The following BCAT1 variants were observed in gnomAD, a reference collection of about 807,000 sequenced individuals.
BCAT1 encodes the protein branched chain amino acid transaminase 1.
Under a neutral mutation model 52.4 loss-of-function variants are expected in BCAT1, and 48 were observed. That is an observed-to-expected ratio of 0.92 (90% CI 0.73 to 1.16). The LOEUF is 1.16. BCAT1 is among the 50% of genes most tolerant of loss of function. The probability of loss-of-function intolerance (pLI) is 0.00; values close to 1 mark genes in which losing one functional copy is unlikely to be tolerated. For missense variants in BCAT1, 451 were observed against 457.1 expected, an observed-to-expected ratio of 0.99 and a Z score of 0.12; for synonymous variants, 167 against 161.3, an observed-to-expected ratio of 1.04 and a Z score of -0.27.
intron 1 of BCAT1, among the ~76,000 whole-genome samples, chr12:24,947,501 A>G (rs765324813): frequency 6.6e-5 from 10 of 152,236 alleles, no homozygotes; most frequent in Non-Finnish European, 1.3e-4. Flanking sequence ...TTTAAGAGAT[A>G]AGTGGAAAGA....
intron 5 of BCAT1, 78 bp downstream of exon 5, chr12:24,878,452 A>T (rs955138864): frequency 1.5e-6 from 2 of 1,375,608 alleles, no homozygotes; most frequent in Admixed American, 5.1e-5. Flanking sequence ...TGCAAACTAT[A>T]TGCTAGAAGT....
chr12:24,827,556 C>T (rs967346663), intron 10 of BCAT1, among the ~76,000 whole-genome samples: 3 of 152,206 alleles, frequency 2.0e-5, no homozygotes, highest in Admixed American at 6.5e-5. Flanking sequence ...CTTTGGGAGG[C>T]TAAGGTGGGC....
intron 2 of BCAT1, among the ~76,000 whole-genome samples, chr12:24,899,510 T>C (rs960302508): frequency 4.0e-5 from 6 of 151,836 alleles, no homozygotes; most frequent in Non-Finnish European, 7.4e-5. Context: ...AATGACCATA[T>C]AAACCAACAA....
chr12:24,857,346 C>T (rs1437666664), intron 5 of BCAT1, among the ~76,000 whole-genome samples: 1 of 152,156 alleles, frequency 6.6e-6, no homozygotes, highest in Admixed American at 6.5e-5. Context: ...TTAGTTAAGG[C>T]TTATTGGTTT....
intron 1 of BCAT1, chr12:24,903,338 C>T: frequency 3.9e-6 from 1 of 256,780 alleles, no homozygotes; most frequent in Non-Finnish European, 7.3e-6. Context: ...TAAACAACCT[C>T]TAGGTGAATG....
chr12:24,927,317 A>G (rs979475851), intron 1 of BCAT1, among the ~76,000 whole-genome samples: 1 of 152,166 alleles, frequency 6.6e-6, no homozygotes, highest in Non-Finnish European at 1.5e-5. Flanking sequence ...CGAAAAAAAA[A>G]GAAAAGAAAA....
At chr12:24,888,245 A>G (rs1185229136) in intron 3 of BCAT1, among the ~76,000 whole-genome samples, 1 of 152,300 alleles carries the variant, frequency 6.6e-6, no homozygotes, top group African/African-American at 2.4e-5. Flanking sequence ...GCAGTGGCTC[A>G]TGCCTGTAAT....
At chr12:24,937,370 A>C (rs988858125) in intron 1 of BCAT1, among the ~76,000 whole-genome samples, 2 of 152,198 alleles carry the variant, frequency 1.3e-5, no homozygotes, top group African/African-American at 4.8e-5. Context: ...GCAAAACAAG[A>C]TGAGGCTGTA....
chr12:24,841,300 A>C (rs373059247), intron 7 of BCAT1, among the ~76,000 whole-genome samples: 30 of 152,356 alleles, frequency 2.0e-4, no homozygotes, highest in African/African-American at 7.0e-4. Flanking sequence ...AAAGGCAACA[A>C]TTGTTAAAAC....
At chr12:24,943,429 G>A (rs1472938497) in intron 1 of BCAT1, among the ~76,000 whole-genome samples, 2 of 136,154 alleles carry the variant, frequency 1.5e-5, no homozygotes, top group Non-Finnish European at 3.1e-5. Flanking sequence ...GGAGGTTGAA[G>A]CTGAAGTGAG....
intron 5 of BCAT1, among the ~76,000 whole-genome samples, chr12:24,857,381 A>C (rs952540236): frequency 1.3e-5 from 2 of 152,206 alleles, no homozygotes; most frequent in African/African-American, 4.8e-5. Flanking sequence ...CTTTTGGTAA[A>C]GTTCAAAAGC....
rs779776677 is a variant in BCAT1, at chr12:24,814,174, G to A, written c.*3834C>T. ...ATTACTACGTATAACTGAAGTTTTTGCATATCCGCATAAGAAGAAATCCAC... is the reference window on the plus strand; with the variant it reads ...ATTACTACGTATAACTGAAGTTTTTACATATCCGCATAAGAAGAAATCCAC... On this transcript the variant is annotated 3_prime_UTR_variant, in exon 11 of 11. Transcript: ENST00000261192. 5 of 152,082 alleles carry A rather than the reference G, an allele frequency of 3.3e-5. No individual in the cohort carries two copies. The highest frequency in any genetic ancestry group is 6.6e-5 in the Admixed American group (1 of 15,264). 9.4% of individuals were successfully genotyped at this position (152,082 alleles called of 1,614,324 possible).
intron 10 of BCAT1, among the ~76,000 whole-genome samples, chr12:24,818,480 A>AC (rs1328823993): frequency 6.6e-6 from 1 of 152,164 alleles, no homozygotes; most frequent in Non-Finnish European, 1.5e-5. Context: ...GCATCACCAG[A>AC]CAACAAGTTA....
chr12:24,834,229 G>A, intron 8 of BCAT1: 5 of 980,248 alleles, frequency 5.1e-6, no homozygotes, highest in Non-Finnish European at 4.8e-6. Flanking sequence ...TTGAGAAATT[G>A]TATTGTATGT....
rs144240649 is a variant in BCAT1, at chr12:24,888,324, C to T, written c.279+5951G>A. 3.8e-3 allele frequency among the ~76,000 whole-genome samples: 580 copies of T among 152,150 alleles called. 2 individuals are homozygous for T. The highest frequency in any genetic ancestry group is 0.013 in the African/African-American group (558 of 41,498). On this transcript the variant is annotated intron_variant, in intron 3 of 10. Coordinates refer to ENST00000261192, the MANE Select transcript of BCAT1 (RefSeq NM_005504.7). The stretch of plus-strand genomic sequence containing the variant: ...GACTAGCCTGGCCAACATGATGAAA[C>T]CCTGTCTCTACTAAAAATACAAAAA...
chr12:24,853,137 T>C (rs562041512), intron 5 of BCAT1, among the ~76,000 whole-genome samples: 7 of 152,280 alleles, frequency 4.6e-5, no homozygotes, highest in Non-Finnish European at 8.8e-5. Flanking sequence ...CAAAAAAAGG[T>C]AACTGCACTC....
intron 2 of BCAT1, among the ~76,000 whole-genome samples, chr12:24,895,819 T>C (rs1194299440): frequency 6.6e-6 from 1 of 152,184 alleles, no homozygotes; most frequent in Non-Finnish European, 1.5e-5. Context: ...TGAATGATAG[T>C]AAATTGTATT....
chr12:24,848,530 T>C (rs1452004166), intron 6 of BCAT1, among the ~76,000 whole-genome samples: 2 of 152,214 alleles, frequency 1.3e-5, no homozygotes, highest in Non-Finnish European at 2.9e-5. Flanking sequence ...GTTATCTTTT[T>C]CCTAAACAGG....
chr12:24,918,849 T>C (rs1179370233), intron 1 of BCAT1, among the ~76,000 whole-genome samples: 1 of 152,174 alleles, frequency 6.6e-6, no homozygotes. Context: ...TTTTGCATGG[T>C]AGAGATGCTA....
Sources: gnomAD v4.1 joint callset for allele counts (sites outside exome capture counted in the v4.1 genomes callset) on GRCh38, gnomAD v4.1.1 for gene constraint, MANE v1.5 for transcripts, NCBI Gene and HGNC (gene_info 2026-07-23, HGNC 2026-07-21) for gene names.